The following ADGRL2 variants were observed in gnomAD, a reference collection of about 807,000 sequenced individuals.
The protein encoded by ADGRL2 is calcium-independent alpha-latrotoxin receptor 2.
In ADGRL2, 44 loss-of-function variants were observed where a neutral mutation model predicts 157.4. The ratio of observed to expected loss-of-function variants is 0.28; its 90% CI spans 0.22 to 0.36. The LOEUF is 0.36. Ranked by LOEUF, ADGRL2 falls within the 10% of genes least tolerant of loss-of-function variation. The pLI, the probability that ADGRL2 is intolerant of heterozygous loss-of-function variation, is 1.00. For missense variants in ADGRL2, 1,510 were observed against 1,768.9 expected, an observed-to-expected ratio of 0.85 and a Z score of 2.63; for synonymous variants, 585 against 624.7, an observed-to-expected ratio of 0.94 and a Z score of 0.95.
At chr1:81,679,720 A>C (rs1024003471) in intron 3 of ADGRL2, among the ~76,000 whole-genome samples, 1 of 152,176 alleles carries the variant, frequency 6.6e-6, no homozygotes, top group Non-Finnish European at 1.5e-5. Context: ...GAAAGAGAAG[A>C]TAGAGTTTAA....
chr1:81,740,264 C>T (rs1232361971), intron 1 of ADGRL2, among the ~76,000 whole-genome samples: 2 of 152,126 alleles, frequency 1.3e-5, no homozygotes, highest in Non-Finnish European at 2.9e-5. Flanking sequence ...TTATTAAATG[C>T]CTACCGAGTA....
At chr1:81,396,969 T>C (rs759457481) in intron 1 of ADGRL2, among the ~76,000 whole-genome samples, 7 of 152,218 alleles carry the variant, frequency 4.6e-5, no homozygotes, top group Non-Finnish European at 1.0e-4. Context: ...GATTTTGATA[T>C]CGTAGTAATG....
At chr1:81,909,332 G>GT (rs2094657682) in intron 3 of ADGRL2, among the ~76,000 whole-genome samples, 1 of 151,856 alleles carries the variant, frequency 6.6e-6, no homozygotes, top group Non-Finnish European at 1.5e-5. Flanking sequence ...TTTTTGGCTT[G>GT]TTTTTTCATT....
intron 2 of ADGRL2, among the ~76,000 whole-genome samples, chr1:81,467,640 C>G (rs1557711360): frequency 6.6e-6 from 1 of 152,110 alleles, no homozygotes; most frequent in African/African-American, 2.4e-5. Flanking sequence ...TCCTGCCCAT[C>G]CATGACCAAT....
At chr1:81,466,660 C>T (rs1165494118) in intron 2 of ADGRL2, among the ~76,000 whole-genome samples, 1 of 89,688 alleles carries the variant, frequency 1.1e-5, no homozygotes, top group East Asian at 4.4e-4. Context: ...CATATAACAT[C>T]TCTCTCTCTC....
chr1:81,619,299 G>A (rs1477814692), intron 3 of ADGRL2, among the ~76,000 whole-genome samples: 2 of 150,510 alleles, frequency 1.3e-5, no homozygotes, highest in Admixed American at 6.6e-5. Context: ...TAAGGTGTCT[G>A]CCTTCAAACC....
At chr1:81,785,189 G>A (rs2086985696) in intron 2 of ADGRL2, among the ~76,000 whole-genome samples, 1 of 152,066 alleles carries the variant, frequency 6.6e-6, no homozygotes, top group African/African-American at 2.4e-5. Context: ...AGTTTTAATA[G>A]TAAAGTTGCA....
intron 1 of ADGRL2, among the ~76,000 whole-genome samples, chr1:81,351,227 G>T (rs1430686324): frequency 1.3e-5 from 2 of 151,170 alleles, no homozygotes; most frequent in Non-Finnish European, 2.9e-5. Context: ...ATTTGTGTGA[G>T]GTTGTTCCTT....
At chr1:81,331,370 G>A (rs928365458) in intron 1 of ADGRL2, among the ~76,000 whole-genome samples, 24 of 151,986 alleles carry the variant, frequency 1.6e-4, no homozygotes, top group African/African-American at 5.3e-4. Flanking sequence ...TGACCCTTTG[G>A]GGGTATGTTA....
chr1:81,394,923 G>A (rs964983372), intron 1 of ADGRL2, among the ~76,000 whole-genome samples: 4 of 149,114 alleles, frequency 2.7e-5, no homozygotes, highest in East Asian at 1.9e-4. Context: ...TTATTTAGAC[G>A]AGTCTTGCTC....
intron 2 of ADGRL2, chr1:81,503,394 C>T: frequency 1.2e-6 from 2 of 1,613,698 alleles, no homozygotes; most frequent in Non-Finnish European, 1.7e-6. Context: ...GCAGCAGCAG[C>T]TCTCACTGTT....
chr1:81,366,827 C>G (rs550659275), intron 1 of ADGRL2, among the ~76,000 whole-genome samples: 10 of 152,246 alleles, frequency 6.6e-5, no homozygotes, highest in African/African-American at 2.4e-4. Flanking sequence ...TGATGAGATT[C>G]TCTTCGTTTT....
At chr1:81,628,624 A>G (rs2081954848) in intron 3 of ADGRL2, among the ~76,000 whole-genome samples, 1 of 152,138 alleles carries the variant, frequency 6.6e-6, no homozygotes, top group Non-Finnish European at 1.5e-5. Context: ...TCCTCAGCAA[A>G]TTAGTTTTTA....
chr1:81,358,271 G>A (rs1663460650), intron 1 of ADGRL2, among the ~76,000 whole-genome samples: 1 of 152,162 alleles, frequency 6.6e-6, no homozygotes, highest in Non-Finnish European at 1.5e-5. Flanking sequence ...GCAGATATGA[G>A]AATATTTTTC....
intron 3 of ADGRL2, among the ~76,000 whole-genome samples, chr1:81,681,999 T>C (rs2083127496): frequency 6.6e-6 from 1 of 152,130 alleles, no homozygotes; most frequent in Non-Finnish European, 1.5e-5. Context: ...AATTTAGAAA[T>C]ACATCTGTTT....
At chr1:81,790,509 T>C (rs1047049890) in intron 2 of ADGRL2, among the ~76,000 whole-genome samples, 2 of 152,244 alleles carry the variant, frequency 1.3e-5, no homozygotes, top group African/African-American at 2.4e-5. Context: ...TTTATTGTTA[T>C]GTAAATTTGT....
intron 3 of ADGRL2, among the ~76,000 whole-genome samples, chr1:81,642,918 T>C (rs1330599028): frequency 1.3e-5 from 2 of 152,174 alleles, no homozygotes; most frequent in Non-Finnish European, 2.9e-5. Context: ...CAGATATAGA[T>C]AGGAACTTCT....
At chr1:81,404,490 G>A (rs1028095174) in intron 1 of ADGRL2, among the ~76,000 whole-genome samples, 1 of 152,102 alleles carries the variant, frequency 6.6e-6, no homozygotes, top group African/African-American at 2.4e-5. Context: ...AGGACATGGA[G>A]GCATAAGGAT....
chr1:81,536,357 A>G (rs2079737000), intron 2 of ADGRL2, among the ~76,000 whole-genome samples: 1 of 152,218 alleles, frequency 6.6e-6, no homozygotes, highest in African/African-American at 2.4e-5. Context: ...AAAACAAACA[A>G]AATTCTCCAT....
Sources: gnomAD v4.1 joint callset for allele counts (sites outside exome capture counted in the v4.1 genomes callset) on GRCh38, gnomAD v4.1.1 for gene constraint, MANE v1.5 for transcripts, NCBI Gene and HGNC (gene_info 2026-07-23, HGNC 2026-07-21) for gene names.